The following EYS variants were observed in gnomAD, a reference collection of about 807,000 sequenced individuals.
The protein encoded by EYS is EGF-like photoreceptor maintenance factor.
Under a neutral mutation model 282.1 loss-of-function variants are expected in EYS, and 250 were observed. The ratio of observed to expected loss-of-function variants is 0.89; its 90% CI spans 0.80 to 0.98. EYS has a LOEUF of 0.98. Ranked by LOEUF, EYS falls within the 50% of genes least tolerant of loss-of-function variation. The pLI is 0.00. For synonymous variants in EYS, 1,355 were observed against 1,282.9 expected (o/e 1.06, Z -1.20); for missense variants, 4,016 against 3,709.0 (o/e 1.08, Z -2.15).
intron 30 of EYS, among the ~76,000 whole-genome samples, chr6:64,281,876 G>GT (rs759956875): frequency 1.3e-5 from 2 of 152,066 alleles, no homozygotes; most frequent in Non-Finnish European, 2.9e-5. Flanking sequence ...AGATTGGAGG[G>GT]TTTTTTGCAA....
intron 12 of EYS, among the ~76,000 whole-genome samples, chr6:65,114,364 AAGCAG>A (rs1775306905): frequency 1.2e-5 from 1 of 85,516 alleles, no homozygotes; most frequent in African/African-American, 7.7e-5. Context: ...AAAAAAAAAA[AAGCAG>A]CAGCAGCAGC....
chr6:65,558,855 G>GT (rs1244146702), intron 2 of EYS, among the ~76,000 whole-genome samples: 11 of 152,078 alleles, frequency 7.2e-5, no homozygotes, highest in African/African-American at 2.4e-4. Context: ...GTTTTGCTCC[G>GT]TAACTCCAGA....
At chr6:63,996,366 A>C (rs1403176099) in intron 34 of EYS, among the ~76,000 whole-genome samples, 1 of 152,052 alleles carries the variant, frequency 6.6e-6, no homozygotes, top group African/African-American at 2.4e-5. Context: ...AAGAAGAAAA[A>C]GTTCTAGAGA....
At chr6:64,338,615 C>G (rs1200532143) in intron 29 of EYS, among the ~76,000 whole-genome samples, 1 of 151,710 alleles carries the variant, frequency 6.6e-6, no homozygotes, top group Non-Finnish European at 1.5e-5. Flanking sequence ...CATCACTTAA[C>G]ATAATTTGAA....
chr6:64,464,268 C>T (rs1362742483), intron 26 of EYS, among the ~76,000 whole-genome samples: 1 of 152,088 alleles, frequency 6.6e-6, no homozygotes, highest in African/African-American at 2.4e-5. Context: ...ATAAAAAACT[C>T]TCAGCAAATT....
intron 34 of EYS, among the ~76,000 whole-genome samples, chr6:63,990,416 G>A (rs1240294690): frequency 6.6e-6 from 1 of 151,628 alleles, no homozygotes; most frequent in African/African-American, 2.4e-5. Flanking sequence ...AACATAGCAT[G>A]GCATGATGAA....
chr6:64,149,583 T>A (rs1774633737), intron 31 of EYS, among the ~76,000 whole-genome samples: 1 of 152,190 alleles, frequency 6.6e-6, no homozygotes, highest in African/African-American at 2.4e-5. Flanking sequence ...ATTTAGGGAC[T>A]AACACGTGAT....
chr6:64,356,410 T>G (rs934898377), intron 29 of EYS, among the ~76,000 whole-genome samples: 25 of 151,740 alleles, frequency 1.6e-4, no homozygotes, highest in African/African-American at 5.3e-4. Flanking sequence ...TGGTGTCCCA[T>G]AAGAGTTGGC....
intron 13 of EYS, among the ~76,000 whole-genome samples, chr6:65,001,383 C>T (rs1420363303): frequency 6.8e-6 from 1 of 147,122 alleles, no homozygotes; most frequent in Non-Finnish European, 1.5e-5. Context: ...AGTGGCCAAA[C>T]TCCTCTCTGA....
At chr6:65,048,474 T>C (rs9453164) in intron 13 of EYS, among the ~76,000 whole-genome samples, 203 of 152,046 alleles carry the variant, frequency 1.3e-3, no homozygotes, top group African/African-American at 4.7e-3. Context: ...CTTCTCATTG[T>C]GTGTTCCTTT....
intron 26 of EYS, among the ~76,000 whole-genome samples, chr6:64,501,564 T>C (rs531363949): frequency 1.2e-4 from 18 of 152,164 alleles, no homozygotes; most frequent in African/African-American, 4.1e-4. Flanking sequence ...AGTGAGTACC[T>C]ATTAACTGAA....
chr6:63,924,418 A>G (rs1358398361), intron 35 of EYS, among the ~76,000 whole-genome samples: 2 of 152,204 alleles, frequency 1.3e-5, no homozygotes, highest in Non-Finnish European at 2.9e-5. Flanking sequence ...CATGCAAGTG[A>G]TACACTCTGT....
chr6:64,205,735 G>A (rs1765590148), intron 31 of EYS, among the ~76,000 whole-genome samples: 1 of 151,534 alleles, frequency 6.6e-6, no homozygotes, highest in Non-Finnish European at 1.5e-5. Flanking sequence ...AAACGCTGAA[G>A]ATCACCATGT....
intron 39 of EYS, chr6:63,787,486 A>C (rs1177528432): frequency 6.6e-6 from 1 of 152,196 alleles, no homozygotes; most frequent in Admixed American, 6.5e-5. Context: ...GATTCCTTTA[A>C]ATCATGCTCT....
chr6:63,774,052 C>A (rs763109938), intron 40 of EYS, among the ~76,000 whole-genome samples: 1 of 152,130 alleles, frequency 6.6e-6, no homozygotes, highest in Non-Finnish European at 1.5e-5. Flanking sequence ...TGAACTTAAT[C>A]TTTGATGCAT....
chr6:64,556,691 A>C (rs2149809058), intron 26 of EYS, among the ~76,000 whole-genome samples: 1 of 152,122 alleles, frequency 6.6e-6, no homozygotes, highest in Non-Finnish European at 1.5e-5. Context: ...TATCCATGAA[A>C]CAAGAACAAG....
At chr6:64,022,575 C>A in intron 33 of EYS, among the ~76,000 whole-genome samples, 1 of 145,760 alleles carries the variant, frequency 6.9e-6, no homozygotes. Context: ...CTTGTCATAC[C>A]CAGCTAAAAC....
chr6:64,908,538 C>T (rs1161946615), intron 16 of EYS, among the ~76,000 whole-genome samples: 1 of 151,688 alleles, frequency 6.6e-6, no homozygotes, highest in Non-Finnish European at 1.5e-5. Flanking sequence ...TGTCCAGTGT[C>T]CAAGAAGAAT....
chr6:65,041,476 A>G (rs1274431002), intron 13 of EYS, among the ~76,000 whole-genome samples: 2 of 151,630 alleles, frequency 1.3e-5, no homozygotes, highest in South Asian at 4.1e-4. Context: ...CTTGACCTGA[A>G]CCCTACTTTT....
Sources: gnomAD v4.1 joint callset for allele counts (sites outside exome capture counted in the v4.1 genomes callset) on GRCh38, gnomAD v4.1.1 for gene constraint, MANE v1.5 for transcripts, NCBI Gene and HGNC (gene_info 2026-07-23, HGNC 2026-07-21) for gene names.